The following BANP variants were observed in gnomAD, a reference collection of about 807,000 sequenced individuals.
BANP encodes the protein protein BANP.
A neutral mutation model predicts 68.1 loss-of-function variants in BANP; 11 were observed. The ratio of observed to expected loss-of-function variants is 0.16; its 90% CI spans 0.10 to 0.27. BANP has a LOEUF of 0.27. Among genes scored for constraint, BANP ranks in the 10% least tolerant of loss-of-function variants. The probability of loss-of-function intolerance (pLI) is 1.00; values close to 1 mark genes in which losing one functional copy is unlikely to be tolerated. For synonymous variants in BANP, 329 were observed against 303.2 expected, an observed-to-expected ratio of 1.09 and a Z score of -0.88; for missense variants, 504 against 722.7, an observed-to-expected ratio of 0.70 and a Z score of 3.47.
chr16:88,056,871 T>C (rs1434590251), intron 11 of BANP, among the ~76,000 whole-genome samples: 2 of 152,250 alleles, frequency 1.3e-5, no homozygotes, highest in Non-Finnish European at 2.9e-5. Context: ...AGTTAGCAGT[T>C]AGTTATATGA....
At chr16:88,055,252 A>G (rs1424028169) in intron 11 of BANP, among the ~76,000 whole-genome samples, 1 of 152,146 alleles carries the variant, frequency 6.6e-6, no homozygotes, top group Admixed American at 6.5e-5. Context: ...TGTTCTGGTA[A>G]ACCCATCTGT....
chr16:88,044,765 C>T (rs140643769), intron 11 of BANP, among the ~76,000 whole-genome samples: 3,889 of 152,282 alleles, frequency 0.026, 178 homozygotes, highest in African/African-American at 0.089. Context: ...AGGTGGATCA[C>T]GAGGTCAGGA....
intron 11 of BANP, among the ~76,000 whole-genome samples, chr16:88,041,976 A>AGAGACGCAGTAGGAGCGTGG (rs1483615819): frequency 6.6e-6 from 1 of 151,956 alleles, no homozygotes; most frequent in Non-Finnish European, 1.5e-5. Context: ...TAGGAGGGTG[A>AGAGACGCAGTAGGAGCGTGG]GAGACGCAGT....
At chr16:88,029,771 G>C (rs1249927332) in intron 8 of BANP, among the ~76,000 whole-genome samples, 1 of 152,246 alleles carries the variant, frequency 6.6e-6, no homozygotes, top group Non-Finnish European at 1.5e-5. Context: ...GTGATCCTGA[G>C]AGAAGGAACA....
In BANP at chr16:88,072,696, CCT is replaced by C. The variant is rs529431577; in HGVS notation, c.1521+486_1521+487del. 2.3e-4 allele frequency among the ~76,000 whole-genome samples: 35 copies of C among 152,312 alleles called. No homozygotes were observed. The South Asian group carries it at 7.2e-3, about 32-fold the overall frequency. On this transcript the variant is annotated intron_variant, in intron 13 of 13. Coordinates refer to ENST00000682872, the MANE Select transcript of BANP (RefSeq NM_001386991.1). ...GCGGGCCCAGGCCAGCATCTCCATA[CCT>C]CGCAGGCAGAAGCCCCCGAGGGTGA...
chr16:87,961,460 C>T (rs896336202), intron 1 of BANP, among the ~76,000 whole-genome samples: 12 of 149,934 alleles, frequency 8.0e-5, no homozygotes, highest in African/African-American at 2.4e-4. Flanking sequence ...GCCACTTCCC[C>T]TGGTGAGGCT....
intron 11 of BANP, among the ~76,000 whole-genome samples, chr16:88,042,387 G>A (rs2081045988): frequency 6.6e-6 from 1 of 152,236 alleles, no homozygotes; most frequent in Admixed American, 6.5e-5. Flanking sequence ...CTGTGTCTCA[G>A]CCTCCCCTCC....
At chr16:87,999,001 G>T (rs1394944374) in intron 4 of BANP, among the ~76,000 whole-genome samples, 2 of 65,082 alleles carry the variant, frequency 3.1e-5, no homozygotes, top group Non-Finnish European at 5.9e-5. Flanking sequence ...TACTTACCAG[G>T]CCTTCCAGAC....
intron 1 of BANP, chr16:87,963,435 G>C (rs537420370): frequency 6.6e-6 from 1 of 152,232 alleles, no homozygotes; most frequent in Non-Finnish European, 1.5e-5. Flanking sequence ...TATGGCTGTG[G>C]AATGCATCTT....
chr16:88,011,901 G>C (rs1001864132), intron 6 of BANP, among the ~76,000 whole-genome samples: 1 of 152,110 alleles, frequency 6.6e-6, no homozygotes, highest in Non-Finnish European at 1.5e-5. Flanking sequence ...GGGAATGGAG[G>C]TTCTTTTGAA....
intron 12 of BANP, among the ~76,000 whole-genome samples, chr16:88,066,026 C>T (rs1184410107): frequency 6.6e-6 from 1 of 152,200 alleles, no homozygotes; most frequent in Admixed American, 6.5e-5. Context: ...CTTTTACGAG[C>T]CTGGGATAGC....
intron 10 of BANP, among the ~76,000 whole-genome samples, chr16:88,035,728 G>C (rs1033723145): frequency 2.0e-5 from 3 of 152,218 alleles, no homozygotes; most frequent in Non-Finnish European, 4.4e-5. Context: ...GGCCCCCAGT[G>C]TGGCCGAGAT....
At chr16:88,038,874 CAGTG>C (rs2080075704) in intron 11 of BANP, among the ~76,000 whole-genome samples, 1 of 152,182 alleles carries the variant, frequency 6.6e-6, no homozygotes. Context: ...GGGAAGTTGA[CAGTG>C]AGAACCATAA....
chr16:87,964,871 G>A (rs545034694), intron 1 of BANP, among the ~76,000 whole-genome samples: 17 of 152,326 alleles, frequency 1.1e-4, no homozygotes, highest in Admixed American at 5.9e-4. Flanking sequence ...GGTGGAAAGT[G>A]TGGAAGAAGC....
intron 13 of BANP, among the ~76,000 whole-genome samples, chr16:88,073,416 C>T (rs2090865727): frequency 6.6e-6 from 1 of 151,872 alleles, no homozygotes; most frequent in African/African-American, 2.4e-5. Flanking sequence ...TGTACTCTGC[C>T]CATGGGCGCG....
intron 6 of BANP, among the ~76,000 whole-genome samples, chr16:88,009,955 A>G (rs535635554): frequency 5.3e-5 from 8 of 152,102 alleles, no homozygotes; most frequent in Admixed American, 3.3e-4. Flanking sequence ...TGGAATAAGA[A>G]GGACTGTAGC....
At chr16:88,033,616 GCT>G (rs1598671955) in intron 9 of BANP, among the ~76,000 whole-genome samples, 1 of 152,334 alleles carries the variant, frequency 6.6e-6, no homozygotes, top group Admixed American at 6.5e-5. Flanking sequence ...AAGTGCAGGC[GCT>G]CTCTTACTGA....
At chr16:87,991,246 C>T (rs1157197621) in intron 4 of BANP, among the ~76,000 whole-genome samples, 4 of 151,254 alleles carry the variant, frequency 2.6e-5, no homozygotes, top group Admixed American at 2.6e-4. Context: ...GTTTACATAC[C>T]TACAACTTCG....
chr16:88,033,218 G>T lies in BANP; in HGVS notation c.1173G>T (p.Gln391His). The change falls in exon 9 of 14, where the codon CAG becomes CAT. Residue 391 changes from glutamine to histidine, a missense_variant. Around this residue, in one of 3 missense-constraint regions of BANP, gnomAD observed 223 missense variants for 246.2 expected, o/e 0.91. Transcript: ENST00000682872. ...ACGCACAGCAGGTGCAGATCCACCA[G>T]ATCGGAGAAGACGGACAGGTGCAAG... ...LANAQQVQIH[Q>H]IGEDGQVQVI... 6.2e-7 allele frequency: 1 copy of T among 1,607,658 alleles called. No individual in the cohort carries two copies. Among genetic ancestry groups the T allele is most frequent in the South Asian group, 1.1e-5 (1 of 90,556 alleles).
Sources: gnomAD v4.1 joint callset for allele counts (sites outside exome capture counted in the v4.1 genomes callset) on GRCh38, gnomAD v4.1.1 for gene constraint, gnomAD v4.1.1 regional missense constraint, MANE v1.5 for transcripts, NCBI Gene and HGNC (gene_info 2026-07-23, HGNC 2026-07-21) for gene names.